RBFOX1: variants seen among roughly 807,000 people sequenced by gnomAD.
The protein encoded by RBFOX1 is RNA binding protein fox-1 homolog 1.
Under a neutral mutation model 57.7 loss-of-function variants are expected in RBFOX1, and 8 were observed. The ratio of observed to expected loss-of-function variants is 0.14; its 90% CI spans 0.08 to 0.25. The LOEUF (loss-of-function observed/expected upper bound fraction) is 0.25, where lower values mean the gene tolerates loss of function less well. RBFOX1 is among the 10% of genes least tolerant of loss of function. The pLI, the probability that RBFOX1 is intolerant of heterozygous loss-of-function variation, is 1.00. For missense variants in RBFOX1, 611 were observed against 548.5 expected (o/e 1.11, Z -1.14); for synonymous variants, 326 against 222.4 (o/e 1.47, Z -4.15).
intron 12 of RBFOX1, among the ~76,000 whole-genome samples, chr16:7,660,644 G>C (rs1011351916): frequency 8.5e-5 from 13 of 152,204 alleles, no homozygotes; most frequent in African/African-American, 3.1e-4. Context: ...AACACTTGGA[G>C]GATGGTGTTG....
intron 1 of RBFOX1, among the ~76,000 whole-genome samples, chr16:6,114,355 C>A (rs185093672): frequency 7.6e-4 from 115 of 152,306 alleles, no homozygotes; most frequent in African/African-American, 2.6e-3. Flanking sequence ...AATAATATCT[C>A]ATGCGGCATT....
chr16:6,953,108 T>A (rs1270391108), intron 3 of RBFOX1, among the ~76,000 whole-genome samples: 1 of 152,104 alleles, frequency 6.6e-6, no homozygotes, highest in African/African-American at 2.4e-5. Context: ...GGCTTGAAGG[T>A]CTGCGACTGA....
chr16:7,309,450 C>T (rs1356464850), intron 4 of RBFOX1, among the ~76,000 whole-genome samples: 3 of 152,210 alleles, frequency 2.0e-5, no homozygotes, highest in Admixed American at 6.5e-5. Flanking sequence ...GTGCCATTCG[C>T]CTGCTCTGCC....
chr16:5,322,792 C>T (rs77932930), intron 1 of RBFOX1, among the ~76,000 whole-genome samples: 2,570 of 152,298 alleles, frequency 0.017, 67 homozygotes, highest in African/African-American at 0.057. Flanking sequence ...AGTGTACCTA[C>T]CTTATTCTAC....
intron 1 of RBFOX1, among the ~76,000 whole-genome samples, chr16:6,302,122 T>G (rs777931425): frequency 6.6e-6 from 1 of 152,162 alleles, no homozygotes; most frequent in Non-Finnish European, 1.5e-5. Context: ...CAATGTTTAT[T>G]TCTTACCTGA....
At chr16:7,474,688 C>A (rs1293206845) in intron 4 of RBFOX1, among the ~76,000 whole-genome samples, 1 of 152,174 alleles carries the variant, frequency 6.6e-6, no homozygotes. Context: ...GGGTAAGTTA[C>A]GAATATGCTT....
intron 4 of RBFOX1, among the ~76,000 whole-genome samples, chr16:7,175,901 G>T (rs1176057238): frequency 6.6e-6 from 1 of 152,084 alleles, no homozygotes; most frequent in African/African-American, 2.4e-5. Flanking sequence ...AGCATATAAA[G>T]GCCCAAAGAA....
chr16:7,531,234 T>G (rs1469334296), intron 5 of RBFOX1, among the ~76,000 whole-genome samples: 2 of 152,156 alleles, frequency 1.3e-5, no homozygotes, highest in African/African-American at 4.8e-5. Flanking sequence ...CCATTCTGAT[T>G]GTCAGATGAG....
At chr16:6,648,129 C>A (rs1285303534) in intron 2 of RBFOX1, among the ~76,000 whole-genome samples, 1 of 152,110 alleles carries the variant, frequency 6.6e-6, no homozygotes, top group Non-Finnish European at 1.5e-5. Context: ...AGGCATGAGC[C>A]ACTGCACCCG....
chr16:7,124,886 C>T lies in RBFOX1; in HGVS notation c.27+72788C>T, dbSNP rs138499877. 4.7e-3 allele frequency among the ~76,000 whole-genome samples: 721 copies of T among 152,158 alleles called. 5 individuals carry two copies. The highest frequency in any genetic ancestry group is 0.016 in the African/African-American group (674 of 41,518). ...GTGTATTCCTGACAAATAAATATTT[C>T]ACCAGCCAGTGACAGCGTTATGAGC... is the stretch of plus-strand genomic sequence containing the variant. On this transcript the variant is annotated intron_variant, in intron 4 of 15. Transcript: ENST00000550418.
At chr16:6,212,711 A>C (rs895345204) in intron 1 of RBFOX1, among the ~76,000 whole-genome samples, 6 of 7,866 alleles carry the variant, frequency 7.6e-4, no homozygotes, top group African/African-American at 8.7e-4. Flanking sequence ...TGTCAAAAAA[A>C]CAAACAAACA....
chr16:6,687,737 C>T (rs1356215152), intron 3 of RBFOX1, among the ~76,000 whole-genome samples: 2 of 152,100 alleles, frequency 1.3e-5, no homozygotes, highest in Admixed American at 6.5e-5. Context: ...GGATGGAAGG[C>T]TCACAGCTAC....
In RBFOX1 at chr16:7,587,316, C is replaced by T. The variant is rs2094182194; in HGVS notation, c.468+16C>T. On this transcript the variant is annotated intron_variant, in intron 7 of 15. Coordinates refer to ENST00000550418, the MANE Select transcript of RBFOX1 (RefSeq NM_018723.4). Reference sequence around the variant, plus strand: ...AGGCTCAAAGGTAAGCAACTTAATTCACTTTAGAATTGTTTAGTTTATTTT... The same window carrying T: ...AGGCTCAAAGGTAAGCAACTTAATTTACTTTAGAATTGTTTAGTTTATTTT... 2 of 1,545,564 alleles carry T rather than the reference C, an allele frequency of 1.3e-6. No individual in the cohort carries two copies. Among genetic ancestry groups the T allele is most frequent in the South Asian group, 1.3e-5 (1 of 78,260 alleles).
chr16:5,346,724 G>A (rs1315460300), intron 1 of RBFOX1, among the ~76,000 whole-genome samples: 7 of 152,184 alleles, frequency 4.6e-5, no homozygotes, highest in Non-Finnish European at 1.0e-4. Flanking sequence ...ACCCTCGCTT[G>A]TGGAAGGATG....
intron 2 of RBFOX1, among the ~76,000 whole-genome samples, chr16:6,341,655 TG>T (rs1166832564): frequency 2.0e-5 from 3 of 152,176 alleles, no homozygotes; most frequent in Non-Finnish European, 4.4e-5. Context: ...ATTTTTTTTT[TG>T]TTATGCTGTA....
At chr16:7,474,261 T>C (rs1327469785) in intron 4 of RBFOX1, among the ~76,000 whole-genome samples, 2 of 151,836 alleles carry the variant, frequency 1.3e-5, no homozygotes, top group Non-Finnish European at 2.9e-5. Context: ...CACTCCAGCC[T>C]GGGTGACAGG....
At chr16:5,898,360 C>T (rs1443564509) in intron 4 of RBFOX1, among the ~76,000 whole-genome samples, 2 of 152,100 alleles carry the variant, frequency 1.3e-5, no homozygotes, top group African/African-American at 4.8e-5. Flanking sequence ...CTTAACTCTT[C>T]TACCTGAGAA....
chr16:6,893,507 G>T (rs2066016198), intron 3 of RBFOX1, among the ~76,000 whole-genome samples: 1 of 151,996 alleles, frequency 6.6e-6, no homozygotes, highest in South Asian at 2.1e-4. Flanking sequence ...TCAACAGCTG[G>T]GGCTCTATGC....
chr16:5,621,611 T>A (rs1248728761), intron 3 of RBFOX1, among the ~76,000 whole-genome samples: 1 of 152,188 alleles, frequency 6.6e-6, no homozygotes, highest in African/African-American at 2.4e-5. Context: ...CGGAAAATAC[T>A]ATAAGTGAAG....
Sources: gnomAD v4.1 joint callset for allele counts (sites outside exome capture counted in the v4.1 genomes callset) on GRCh38, gnomAD v4.1.1 for gene constraint, MANE v1.5 for transcripts, NCBI Gene and HGNC (gene_info 2026-07-23, HGNC 2026-07-21) for gene names.